Variants in ITGB1 observed in about 807,000 individuals in gnomAD.
ITGB1 encodes the protein integrin subunit beta 1.
In ITGB1, 24 loss-of-function variants were observed where a neutral mutation model predicts 86.5. That is an observed-to-expected ratio of 0.28 (90% CI 0.20 to 0.39). The LOEUF (loss-of-function observed/expected upper bound fraction) is 0.39, where lower values mean the gene tolerates loss of function less well. Among genes scored for constraint, ITGB1 ranks in the 10% least tolerant of loss-of-function variants. The pLI is 1.00. For missense variants in ITGB1, 556 were observed against 946.9 expected (o/e 0.59, Z 5.42); for synonymous variants, 323 against 316.8 (o/e 1.02, Z -0.21).
chr10:32,933,946 C>T (rs796341411), intron 2 of ITGB1, among the ~76,000 whole-genome samples: 29 of 152,242 alleles, frequency 1.9e-4, no homozygotes, highest in African/African-American at 6.7e-4. Context: ...TATGTGTGCA[C>T]AGTTCACACA....
At chr10:32,916,959 A>C (rs1229047824) in intron 11 of ITGB1, among the ~76,000 whole-genome samples, 3 of 152,224 alleles carry the variant, frequency 2.0e-5, no homozygotes, top group Non-Finnish European at 4.4e-5. Flanking sequence ...AGGCTACAGT[A>C]ACCAAAACAG....
At chr10:32,938,978 T>C (rs1039676716) in intron 1 of ITGB1, among the ~76,000 whole-genome samples, 1 of 152,236 alleles carries the variant, frequency 6.6e-6, no homozygotes, top group African/African-American at 2.4e-5. Context: ...CCTTCCCTTC[T>C]ACCGGTACTG....
At chr10:32,944,585 G>A (rs1286455771) in intron 1 of ITGB1, 2 of 530,694 alleles carry the variant, frequency 3.8e-6, no homozygotes, top group Non-Finnish European at 7.4e-6. Flanking sequence ...ACTCATCCGA[G>A]ATGATGTCAT....
At chr10:32,954,880 G>A (rs184742073) in intron 1 of ITGB1, among the ~76,000 whole-genome samples, 95 of 152,202 alleles carry the variant, frequency 6.2e-4, no homozygotes, top group African/African-American at 2.0e-3. Flanking sequence ...AAACCAAACG[G>A]CAAGTTTAAA....
intron 6 of ITGB1, among the ~76,000 whole-genome samples, chr10:32,924,326 T>C (rs1223674093): frequency 3.3e-5 from 5 of 152,216 alleles, no homozygotes; most frequent in Admixed American, 1.3e-4. Context: ...ACTTTATCCT[T>C]GCCCTTTCCA....
At chr10:32,940,108 G>A (rs971167854) in intron 1 of ITGB1, among the ~76,000 whole-genome samples, 6 of 152,138 alleles carry the variant, frequency 3.9e-5, no homozygotes, top group Non-Finnish European at 7.4e-5. Flanking sequence ...CGCTTTGGGA[G>A]GCCAAGATGG....
intron 11 of ITGB1, among the ~76,000 whole-genome samples, chr10:32,914,840 A>G (rs1396435268): frequency 6.6e-6 from 1 of 152,160 alleles, no homozygotes; most frequent in Non-Finnish European, 1.5e-5. Flanking sequence ...AGAACTCTCC[A>G]TCCCAAAACA....
intron 11 of ITGB1, among the ~76,000 whole-genome samples, chr10:32,914,812 G>T (rs1208490758): frequency 6.6e-6 from 1 of 151,338 alleles, no homozygotes; most frequent in African/African-American, 2.4e-5. Context: ...GCACCAAGTG[G>T]ACCTAATAGA....
chr10:32,926,193 CTA>C, intron 5 of ITGB1, 84 bp from the exon 6 acceptor site: 2 of 1,042,280 alleles, frequency 1.9e-6, no homozygotes, highest in East Asian at 2.5e-5. Flanking sequence ...AAAAATTCAT[CTA>C]TGTTACCAAA....
At chr10:32,955,059 C>T (rs980136247) in intron 1 of ITGB1, among the ~76,000 whole-genome samples, 1 of 152,132 alleles carries the variant, frequency 6.6e-6, no homozygotes, top group Non-Finnish European at 1.5e-5. Context: ...GGACTGTACC[C>T]CCTTTAAGCT....
At chr10:32,939,559 G>C (rs1274392743) in intron 1 of ITGB1, among the ~76,000 whole-genome samples, 1 of 152,192 alleles carries the variant, frequency 6.6e-6, no homozygotes, top group African/African-American at 2.4e-5. Context: ...GAATACTGCA[G>C]GCAACTGGAA....
At chr10:32,919,107 T>G (rs1216991549) in intron 11 of ITGB1, among the ~76,000 whole-genome samples, 2 of 152,230 alleles carry the variant, frequency 1.3e-5, no homozygotes, top group Non-Finnish European at 2.9e-5. Context: ...ATAAAGAAAC[T>G]CTAACATTTA....
chr10:32,920,578 A>G (rs995358352), intron 9 of ITGB1, among the ~76,000 whole-genome samples, 193 bp from the exon 10 acceptor site: 3 of 152,228 alleles, frequency 2.0e-5, no homozygotes, highest in African/African-American at 4.8e-5. Context: ...TCTTTAAAAT[A>G]AAATACACAA....
chr10:32,953,262 T>C (rs907119019), intron 1 of ITGB1, among the ~76,000 whole-genome samples: 2 of 152,226 alleles, frequency 1.3e-5, no homozygotes, highest in South Asian at 2.1e-4. Context: ...GTACAGTACA[T>C]TGTATAAAAC....
chr10:32,950,945 A>G (rs2095041392), intron 1 of ITGB1, among the ~76,000 whole-genome samples: 1 of 152,194 alleles, frequency 6.6e-6, no homozygotes, highest in Non-Finnish European at 1.5e-5. Context: ...TGAAATATGG[A>G]AGATTTTTAT....
At chr10:32,940,351 A>G (rs2095015431) in intron 1 of ITGB1, among the ~76,000 whole-genome samples, 1 of 152,146 alleles carries the variant, frequency 6.6e-6, no homozygotes, top group Admixed American at 6.5e-5. Flanking sequence ...CTCAAAAAAA[A>G]AAAAAAAAAT....
intron 1 of ITGB1, among the ~76,000 whole-genome samples, chr10:32,942,594 T>G (rs1427342126): frequency 1.3e-5 from 2 of 152,094 alleles, no homozygotes; most frequent in Non-Finnish European, 2.9e-5. Context: ...GGCTCATGCC[T>G]GCAATCTTAG....
Position 32,911,675 on chromosome 10 carries a change from A to G in ITGB1, c.1709-5T>C. The G allele has an allele frequency of 6.2e-7, 1 of 1,613,268 alleles. No homozygotes were observed. Among genetic ancestry groups the G allele is most frequent in the Non-Finnish European group, 8.5e-7 (1 of 1,179,142 alleles). On this transcript the variant is annotated splice_region_variant and splice_polypyrimidine_tract_variant and intron_variant, in intron 12 of 15. Coordinates refer to ENST00000302278, the MANE Select transcript of ITGB1 (RefSeq NM_002211.4). Reference sequence around the variant, plus strand: ...GACACTTGCAAACACCATTTCCTGCAATTAAGCATATCATTTCTCAAAATG... The same window carrying G: ...GACACTTGCAAACACCATTTCCTGCGATTAAGCATATCATTTCTCAAAATG...
At chr10:32,917,416 T>C (rs2094935348) in intron 11 of ITGB1, among the ~76,000 whole-genome samples, 2 of 152,158 alleles carry the variant, frequency 1.3e-5, no homozygotes, top group South Asian at 4.1e-4. Context: ...ACCTACAGAA[T>C]GGGACACAAT....
Sources: gnomAD v4.1 joint callset for allele counts (sites outside exome capture counted in the v4.1 genomes callset) on GRCh38, gnomAD v4.1.1 for gene constraint, MANE v1.5 for transcripts, NCBI Gene and HGNC (gene_info 2026-07-23, HGNC 2026-07-21) for gene names.